The following BEND2 variants were observed in gnomAD, a reference collection of about 807,000 sequenced individuals.
The protein encoded by BEND2 is BEN domain-containing protein 2.
A neutral mutation model predicts 43.8 loss-of-function variants in BEND2; 19 were observed. The observed-to-expected ratio is 0.43, with a 90% CI of 0.30 to 0.64. The LOEUF (loss-of-function observed/expected upper bound fraction) is 0.64, where lower values mean the gene tolerates loss of function less well. Among genes scored for constraint, BEND2 ranks in the 30% least tolerant of loss-of-function variants. The probability of loss-of-function intolerance (pLI) is 0.11; values close to 1 mark genes in which losing one functional copy is unlikely to be tolerated. For synonymous variants in BEND2, 226 were observed against 210.1 expected, an observed-to-expected ratio of 1.08 and a Z score of -0.66; for missense variants, 544 against 574.0, an observed-to-expected ratio of 0.95 and a Z score of 0.53.
At chrX:18,192,491 T>C (rs978064720) in intron 7 of BEND2, among the ~76,000 whole-genome samples, 2 of 111,955 alleles carry the variant, frequency 1.8e-5, no homozygotes, top group African/African-American at 6.5e-5. Flanking sequence ...TCATACATAA[T>C]TGGCGAGAAT....
Position 18,192,862 on chromosome X carries a change from G to A in BEND2, c.1181-1754C>T, listed in dbSNP as rs139025997. On this transcript the variant is annotated intron_variant, in intron 7 of 13. Transcript: ENST00000380033. ...TGGTTATTAAAGAGCAAGATGGGCC[G>A]GGCGTGGTGGCTCATGCCTGTAATC... Among the ~76,000 whole-genome samples the A allele has an allele frequency of 3.4e-3, 379 of 112,044 alleles. 3 individuals are homozygous for A. Among genetic ancestry groups the A allele is most frequent in the African/African-American group, 0.011 (343 of 30,895 alleles).
At chrX:18,186,458 G>GA (rs762170297) in intron 8 of BEND2, among the ~76,000 whole-genome samples, 1,162 of 45,956 alleles carry the variant, frequency 0.025, 17 homozygotes, top group East Asian at 0.038. Flanking sequence ...AACTCCGTCG[G>GA]AAAAAAAAAA....
chrX:18,209,930 T>C (rs775393559), intron 4 of BEND2, among the ~76,000 whole-genome samples: 17 of 111,460 alleles, frequency 1.5e-4, no homozygotes, highest in Non-Finnish European at 2.4e-4. Context: ...AAGTTATACA[T>C]GTAAGTTAAC....
intron 13 of BEND2, 165 bp downstream of exon 13, chrX:18,170,836 T>C: frequency 1.0e-6 from 1 of 953,246 alleles, no homozygotes; most frequent in Non-Finnish European, 1.4e-6. Flanking sequence ...CAGAGAGAAA[T>C]ACAATTCATG....
At position 18,176,043 on chromosome X, in the gene BEND2, C is replaced by G. The variant is rs770287298; in HGVS notation, c.1681G>C (p.Asp561His). The G allele has an allele frequency of 5.0e-6, 6 of 1,201,508 alleles. No homozygotes were observed. Among genetic ancestry groups the G allele is most frequent in the African/African-American group, 1.8e-5 (1 of 56,750 alleles). ...ATACCAGAAATACAGTCCTGCCAGTCTTTTCCATGTTCATGCAAATCACAG... is the reference window on the plus strand; with the variant it reads ...ATACCAGAAATACAGTCCTGCCAGTGTTTTCCATGTTCATGCAAATCACAG... ...PTCDLHEHGK[D>H]WQDCISGINS... The change falls in exon 11 of 14, where the codon GAC becomes CAC. Residue 561 changes from aspartate (D) to histidine (H), a missense_variant. Physicochemically the swap from Asp to His is moderately conservative, Grantham distance 81 (BLOSUM62 -1). Around this residue, in one of 2 missense-constraint regions of BEND2, gnomAD observed 501 missense variants for 501.6 expected, o/e 1.00. Coordinates refer to ENST00000380033, the MANE Select transcript of BEND2 (RefSeq NM_153346.5).
chrX:18,206,449 G>A (rs1925335648), intron 4 of BEND2, among the ~76,000 whole-genome samples: 1 of 111,421 alleles, frequency 9.0e-6, no homozygotes, highest in African/African-American at 3.3e-5. Context: ...GGCTGTCATG[G>A]GAAGGAGAGA....
chrX:18,180,820 G>A (rs1238431230), intron 8 of BEND2, among the ~76,000 whole-genome samples, 170 bp from the exon 9 acceptor site: 3 of 106,957 alleles, frequency 2.8e-5, no homozygotes, highest in South Asian at 8.4e-4. Context: ...TGTTGCCCAA[G>A]CTGGAGTGCA....
intron 6 of BEND2, among the ~76,000 whole-genome samples, chrX:18,201,407 AAAAAAAAAAAC>A (rs1569124433): frequency 5.1e-5 from 5 of 97,464 alleles, no homozygotes; most frequent in African/African-American, 2.2e-4. Flanking sequence ...AAAAAAAAAA[AAAAAAAAAAAC>A]AAAAAAAAAA....
chrX:18,200,978 G>A (rs930515772), intron 6 of BEND2, among the ~76,000 whole-genome samples: 1 of 112,137 alleles, frequency 8.9e-6, no homozygotes, highest in African/African-American at 3.2e-5. Flanking sequence ...TCATCCTTTG[G>A]GGGAAATGGC....
intron 4 of BEND2, among the ~76,000 whole-genome samples, chrX:18,206,043 A>C (rs998674442): frequency 8.9e-6 from 1 of 111,839 alleles, no homozygotes; most frequent in African/African-American, 3.2e-5. Flanking sequence ...CATGTAGGGA[A>C]TCGGGATGAA....
At chrX:18,179,734 A>G (rs1380364430) in intron 9 of BEND2, among the ~76,000 whole-genome samples, 1 of 112,437 alleles carries the variant, frequency 8.9e-6, no homozygotes, top group Non-Finnish European at 1.9e-5. Flanking sequence ...GTTCTAGGAT[A>G]TTAATAAGAG....
chrX:18,192,366 C>A (rs1924799118), intron 7 of BEND2, among the ~76,000 whole-genome samples: 1 of 110,643 alleles, frequency 9.0e-6, no homozygotes, highest in African/African-American at 3.3e-5. Flanking sequence ...TAAAGAACGG[C>A]TAAAGGAAAA....
chrX:18,191,024 G>A lies in BEND2; in HGVS notation c.1265C>T (p.Ser422Phe). ...NNCDQDDASA[S>F]ACLTPDFALL... Reference sequence around the variant, plus strand: ...ACCAAAATCGGGAGTGAGGCAGGCAGATGCTGAAGCATCATCTTGGTCACA... The same window carrying A: ...ACCAAAATCGGGAGTGAGGCAGGCAAATGCTGAAGCATCATCTTGGTCACA... Residue 422 changes from serine to phenylalanine, a missense_variant, in exon 8 of 14, where the codon TCT becomes TTT. Physicochemically the swap from Ser to Phe is radical, Grantham distance 155. Coordinates refer to ENST00000380033, the MANE Select transcript of BEND2 (RefSeq NM_153346.5). 8.3e-7 allele frequency: 1 copy of A among 1,209,803 alleles called. No homozygotes were observed. Among genetic ancestry groups the A allele is most frequent in the Non-Finnish European group, 1.1e-6 (1 of 894,549 alleles).
chrX:18,219,334 C>G (rs373319618), intron 1 of BEND2, among the ~76,000 whole-genome samples: 23 of 113,027 alleles, frequency 2.0e-4, no homozygotes, highest in South Asian at 3.7e-4. Flanking sequence ...GGCCTTTCCT[C>G]TTAACGACCA....
chrX:18,180,965 G>C (rs1924365825), intron 8 of BEND2, among the ~76,000 whole-genome samples: 1 of 110,221 alleles, frequency 9.1e-6, no homozygotes, highest in African/African-American at 3.3e-5. Context: ...AATAGACATG[G>C]GGTTTCGCCA....
At chrX:18,215,281 T>C (rs1189721509) in intron 2 of BEND2, among the ~76,000 whole-genome samples, 1 of 112,073 alleles carries the variant, frequency 8.9e-6, no homozygotes, top group African/African-American at 3.2e-5. Flanking sequence ...CATTACACAA[T>C]AACTCCCCCT....
chrX:18,210,632 A>G (rs932841617), intron 4 of BEND2, among the ~76,000 whole-genome samples: 2 of 112,477 alleles, frequency 1.8e-5, no homozygotes, highest in African/African-American at 6.4e-5. Context: ...CTAACCATGA[A>G]CAAAGAACCA....
Position 18,163,368 on chromosome X carries a change from G to A in BEND2, c.*1641C>T, listed in dbSNP as rs1923744408. On this transcript the variant is annotated 3_prime_UTR_variant, in exon 14 of 14. Coordinates refer to ENST00000380033, the MANE Select transcript of BEND2 (RefSeq NM_153346.5). ...ACACAGTAGCCACTATCCACTTGTG[G>A]CTATTTCACTTTAAATTCTAATTAG... The A allele has an allele frequency of 9.0e-6, 1 of 111,501 alleles. No individual in the cohort carries two copies. Among genetic ancestry groups the A allele is most frequent in the African/African-American group, 3.3e-5 (1 of 30,746 alleles). The allele number at this position is 111,501 out of a possible 1,213,427, so 9.2% of individuals were successfully genotyped here.
intron 12 of BEND2, among the ~76,000 whole-genome samples, chrX:18,171,493 C>T (rs1462799548): frequency 9.0e-6 from 1 of 111,222 alleles, no homozygotes. Context: ...TAGGCCCACC[C>T]CACCACACCC....
Sources: allele counts gnomAD v4.1 joint callset (sites outside exome capture counted in the v4.1 genomes callset), GRCh38; gene constraint gnomAD v4.1.1; regional missense constraint gnomAD v4.1.1; transcripts MANE v1.5; gene names NCBI Gene and HGNC (gene_info 2026-07-23, HGNC 2026-07-21).